NALF1: variants seen among roughly 807,000 people sequenced by gnomAD.
NALF1 encodes the protein family with sequence similarity 155 member A.
A neutral mutation model predicts 48.4 loss-of-function variants in NALF1; 3 were observed. The ratio of observed to expected loss-of-function variants is 0.06; its 90% CI spans 0.03 to 0.16. NALF1 has a LOEUF of 0.16. Among genes scored for constraint, NALF1 ranks in the 10% least tolerant of loss-of-function variants. The pLI is 1.00. For missense variants in NALF1, 526 were observed against 571.5 expected (o/e 0.92, Z 0.81); for synonymous variants, 262 against 245.7 (o/e 1.07, Z -0.62).
intron 1 of NALF1, among the ~76,000 whole-genome samples, chr13:107,854,667 T>C (rs1880398570): frequency 6.6e-6 from 1 of 152,042 alleles, no homozygotes; most frequent in South Asian, 2.1e-4. Flanking sequence ...GGTCCAGAGA[T>C]TGATACCATC....
intron 1 of NALF1, among the ~76,000 whole-genome samples, chr13:107,828,491 TG>T (rs1879588357): frequency 3.6e-5 from 2 of 55,920 alleles, no homozygotes; most frequent in African/African-American, 9.0e-5. Context: ...GCCACTGACT[TG>T]TTTTTTTTTT....
At chr13:107,309,209 T>C (rs1881998039) in intron 1 of NALF1, among the ~76,000 whole-genome samples, 1 of 152,206 alleles carries the variant, frequency 6.6e-6, no homozygotes, top group Non-Finnish European at 1.5e-5. Flanking sequence ...AATTCAACAA[T>C]GAGCAAAAGG....
intron 1 of NALF1, among the ~76,000 whole-genome samples, chr13:107,698,550 T>G (rs989730837): frequency 6.6e-6 from 1 of 152,152 alleles, no homozygotes; most frequent in Non-Finnish European, 1.5e-5. Flanking sequence ...TAGATTTACA[T>G]GTATATAGAA....
chr13:107,585,570 A>G (rs1878432841), intron 1 of NALF1, among the ~76,000 whole-genome samples: 1 of 152,154 alleles, frequency 6.6e-6, no homozygotes, highest in South Asian at 2.1e-4. Flanking sequence ...TCCAATGATG[A>G]TGTTTTAGCC....
At chr13:107,832,621 G>C (rs4426220) in intron 1 of NALF1, among the ~76,000 whole-genome samples, 14,136 of 151,996 alleles carry the variant, frequency 0.093, 758 homozygotes, top group South Asian at 0.18. Context: ...ACATTGGAAG[G>C]GTCAGGGTCC....
intron 1 of NALF1, among the ~76,000 whole-genome samples, chr13:107,479,326 T>G (rs76883694): frequency 6.6e-6 from 1 of 152,188 alleles, no homozygotes; most frequent in East Asian, 1.9e-4. Flanking sequence ...TACCCTCTTA[T>G]GATCATTTTG....
chr13:107,799,017 A>G (rs1878520476), intron 1 of NALF1, among the ~76,000 whole-genome samples: 1 of 152,192 alleles, frequency 6.6e-6, no homozygotes. Flanking sequence ...AGAGAGCCCT[A>G]TATAATACAA....
intron 1 of NALF1, among the ~76,000 whole-genome samples, chr13:107,404,164 G>A (rs1490466225): frequency 3.9e-5 from 6 of 151,992 alleles, no homozygotes; most frequent in South Asian, 2.1e-4. Context: ...CAAAATAGTC[G>A]CTTTACCCAA....
chr13:107,351,969 G>A (rs1041682075), intron 1 of NALF1, among the ~76,000 whole-genome samples: 3 of 152,312 alleles, frequency 2.0e-5, no homozygotes, highest in African/African-American at 4.8e-5. Flanking sequence ...GCTAAGTACC[G>A]TATCAACAGG....
At chr13:107,324,527 T>C (rs1232524314) in intron 1 of NALF1, among the ~76,000 whole-genome samples, 1 of 152,136 alleles carries the variant, frequency 6.6e-6, no homozygotes, top group Non-Finnish European at 1.5e-5. Flanking sequence ...CATGCAAAAT[T>C]CTAGAAGAAA....
chr13:107,798,735 G>C (rs1319666134), intron 1 of NALF1, among the ~76,000 whole-genome samples: 1 of 152,162 alleles, frequency 6.6e-6, no homozygotes, highest in Non-Finnish European at 1.5e-5. Flanking sequence ...TTGCCACTAT[G>C]AGATAAGACA....
chr13:107,853,051 C>A (rs1453684517), intron 1 of NALF1, among the ~76,000 whole-genome samples: 1 of 152,112 alleles, frequency 6.6e-6, no homozygotes, highest in African/African-American at 2.4e-5. Context: ...TTCCCAAAGC[C>A]AGCTCTATCA....
chr13:107,262,635 T>C (rs1260592643), intron 1 of NALF1, among the ~76,000 whole-genome samples: 1 of 152,166 alleles, frequency 6.6e-6, no homozygotes, highest in East Asian at 1.9e-4. Context: ...ATGTAACTTA[T>C]GATAAGAATA....
At chr13:107,711,635 A>G (rs1331950258) in intron 1 of NALF1, among the ~76,000 whole-genome samples, 1 of 152,236 alleles carries the variant, frequency 6.6e-6, no homozygotes, top group African/African-American at 2.4e-5. Context: ...GCACCCAAGA[A>G]AAGCACCTGC....
intron 1 of NALF1, among the ~76,000 whole-genome samples, chr13:107,429,022 C>T (rs1328211886): frequency 1.3e-5 from 2 of 152,094 alleles, no homozygotes; most frequent in Non-Finnish European, 2.9e-5. Context: ...TTATTCACAT[C>T]TTTAAAAGAA....
chr13:107,585,621 T>G (rs946335970), intron 1 of NALF1, among the ~76,000 whole-genome samples: 1 of 152,154 alleles, frequency 6.6e-6, no homozygotes, highest in African/African-American at 2.4e-5. Context: ...GGATGGCGGC[T>G]CCACTATGGG....
At chr13:107,552,521 G>T (rs1237607991) in intron 1 of NALF1, among the ~76,000 whole-genome samples, 1 of 152,056 alleles carries the variant, frequency 6.6e-6, no homozygotes, top group Admixed American at 6.6e-5. Flanking sequence ...AAAATCAGGA[G>T]TCCATCAGTC....
chr13:107,444,366 C>T (rs1308380050), intron 1 of NALF1, among the ~76,000 whole-genome samples: 1 of 152,112 alleles, frequency 6.6e-6, no homozygotes, highest in Non-Finnish European at 1.5e-5. Flanking sequence ...TTTAATGTGG[C>T]AAATTTTTGT....
At chr13:107,639,780 A>T (rs370077089) in intron 1 of NALF1, among the ~76,000 whole-genome samples, 3 of 152,152 alleles carry the variant, frequency 2.0e-5, no homozygotes, top group African/African-American at 7.2e-5. Flanking sequence ...TGTCCAGCTC[A>T]GGTCCTTGCT....
Sources: allele counts gnomAD v4.1 joint callset (sites outside exome capture counted in the v4.1 genomes callset), GRCh38; gene constraint gnomAD v4.1.1; transcripts MANE v1.5; gene names NCBI Gene and HGNC (gene_info 2026-07-23, HGNC 2026-07-21).